RIMS2: variants seen among roughly 807,000 people sequenced by gnomAD.
The protein encoded by RIMS2 is regulating synaptic membrane exocytosis protein 2.
In RIMS2, 59 loss-of-function variants were observed where a neutral mutation model predicts 174.4. That is an observed-to-expected ratio of 0.34 (90% CI 0.27 to 0.42). The LOEUF (loss-of-function observed/expected upper bound fraction) is 0.42, where lower values mean the gene tolerates loss of function less well. Ranked by LOEUF, RIMS2 falls within the 10% of genes least tolerant of loss-of-function variation. The pLI, the probability that RIMS2 is intolerant of heterozygous loss-of-function variation, is 1.00. For synonymous variants in RIMS2, 606 were observed against 572.5 expected (o/e 1.06, Z -0.84); for missense variants, 1,620 against 1,666.3 (o/e 0.97, Z 0.48).
intron 16 of RIMS2, among the ~76,000 whole-genome samples, chr8:103,979,721 CCTT>C (rs990160872): frequency 2.6e-5 from 4 of 152,170 alleles, no homozygotes; most frequent in African/African-American, 9.7e-5. Context: ...CCAATGCCAT[CCTT>C]CTCCTAACCC....
chr8:104,209,640 T>C (rs996742400), intron 19 of RIMS2, among the ~76,000 whole-genome samples: 4 of 152,180 alleles, frequency 2.6e-5, no homozygotes, highest in Admixed American at 6.5e-5. Flanking sequence ...AATATGAGCT[T>C]TAGGGGGCAA....
At chr8:103,660,391 G>C (rs1359863129) in intron 1 of RIMS2, among the ~76,000 whole-genome samples, 1 of 152,182 alleles carries the variant, frequency 6.6e-6, no homozygotes, top group Non-Finnish European at 1.5e-5. Flanking sequence ...GCTCAGCTCT[G>C]GTACCTTCTG....
At chr8:103,852,396 G>A (rs2099003581) in intron 3 of RIMS2, among the ~76,000 whole-genome samples, 1 of 150,282 alleles carries the variant, frequency 6.7e-6, no homozygotes, top group Non-Finnish European at 1.5e-5. Flanking sequence ...ATTAAATTTT[G>A]TAGTTACAAA....
chr8:104,149,320 A>G (rs1304252318), intron 19 of RIMS2, among the ~76,000 whole-genome samples: 1 of 152,238 alleles, frequency 6.6e-6, no homozygotes, highest in African/African-American at 2.4e-5. Context: ...AGCAACATTT[A>G]CCAGTAGTTA....
intron 2 of RIMS2, among the ~76,000 whole-genome samples, chr8:103,705,264 C>G (rs544942021): frequency 2.6e-5 from 4 of 152,036 alleles, no homozygotes; most frequent in African/African-American, 9.6e-5. Context: ...TTCAACATTC[C>G]TCTTTTTACT....
intron 10 of RIMS2, among the ~76,000 whole-genome samples, chr8:103,922,306 G>A (rs903473925): frequency 1.3e-5 from 2 of 151,800 alleles, no homozygotes; most frequent in Non-Finnish European, 2.9e-5. Flanking sequence ...ATATATAATG[G>A]ATTGCTAAAT....
intron 2 of RIMS2, among the ~76,000 whole-genome samples, chr8:103,742,501 A>G (rs923356587): frequency 6.6e-6 from 1 of 152,104 alleles, no homozygotes; most frequent in Non-Finnish European, 1.5e-5. Flanking sequence ...GTTTAATACA[A>G]TTGCACTGAC....
At chr8:104,082,392 A>G (rs2097439417) in intron 19 of RIMS2, among the ~76,000 whole-genome samples, 1 of 152,176 alleles carries the variant, frequency 6.6e-6, no homozygotes, top group Admixed American at 6.6e-5. Context: ...TACACGTACA[A>G]AGGAAGAACA....
intron 19 of RIMS2, among the ~76,000 whole-genome samples, chr8:104,047,040 C>T (rs72683171): frequency 0.13 from 19,449 of 151,810 alleles, 1,701 homozygotes; most frequent in Non-Finnish European, 0.19. Flanking sequence ...GATACTTAAG[C>T]TCAATTTACT....
At position 104,137,872 on chromosome 8, in the gene RIMS2, A is replaced by G. The variant is rs140253350; in HGVS notation, c.3335-107044A>G. 4.3e-4 allele frequency among the ~76,000 whole-genome samples: 65 copies of G among 152,174 alleles called. 3 individuals carry two copies. The East Asian group carries it at 0.011, about 25-fold the overall frequency. ...ACCCTGTTGTGCTTTCAAATACTAGATATTGTTCATTCTATCTAATCATAT... is the reference window on the plus strand; with the variant it reads ...ACCCTGTTGTGCTTTCAAATACTAGGTATTGTTCATTCTATCTAATCATAT... On this transcript the variant is annotated intron_variant, in intron 19 of 23. Transcript: ENST00000504942.
rs570845071 is a variant in RIMS2, at chr8:103,801,276, A to G, written c.698+34739A>G. 3.3e-5 allele frequency among the ~76,000 whole-genome samples: 5 copies of G among 152,278 alleles called. No individual in the cohort carries two copies. The South Asian group carries it at 8.3e-4, about 25-fold the overall frequency. ...TGCTGGGATTACAGGCATGGGCCAC[A>G]GCACCCAGCCAGCAATGTCTTTAAA... On this transcript the variant is annotated intron_variant, in intron 3 of 23. Transcript: ENST00000504942.
At chr8:103,813,559 A>G (rs1467064260) in intron 3 of RIMS2, among the ~76,000 whole-genome samples, 3 of 151,664 alleles carry the variant, frequency 2.0e-5, no homozygotes, top group African/African-American at 7.3e-5. Context: ...CGCCTCTCCC[A>G]CCCCACGACA....
chr8:103,993,944 G>A (rs1283236825), intron 17 of RIMS2, among the ~76,000 whole-genome samples: 1 of 151,236 alleles, frequency 6.6e-6, no homozygotes, highest in Non-Finnish European at 1.5e-5. Flanking sequence ...CAGCTACTCA[G>A]GAGGCTGAGG....
intron 3 of RIMS2, chr8:103,768,729 A>G (rs2098211499): frequency 3.9e-6 from 3 of 766,072 alleles, no homozygotes; most frequent in South Asian, 2.7e-5. Flanking sequence ...TCTCTAAAGA[A>G]GATGATGTCC....
At chr8:103,608,767 G>A (rs370543601) in intron 1 of RIMS2, among the ~76,000 whole-genome samples, 48 of 152,254 alleles carry the variant, frequency 3.2e-4, no homozygotes, top group African/African-American at 9.6e-4. Context: ...GGTGCCGTCC[G>A]TCACCCCTTT....
intron 19 of RIMS2, among the ~76,000 whole-genome samples, chr8:104,213,443 G>T (rs1006097455): frequency 1.3e-5 from 2 of 152,120 alleles, no homozygotes; most frequent in Non-Finnish European, 2.9e-5. Flanking sequence ...GTGATTATTT[G>T]TTAACATCTG....
At chr8:104,042,888 G>A (rs1035738874) in intron 19 of RIMS2, among the ~76,000 whole-genome samples, 2 of 151,462 alleles carry the variant, frequency 1.3e-5, no homozygotes, top group Admixed American at 1.3e-4. Flanking sequence ...CATATGAAGA[G>A]TAATAAGAGA....
At chr8:103,618,465 A>G (rs1196417226) in intron 1 of RIMS2, among the ~76,000 whole-genome samples, 2 of 152,128 alleles carry the variant, frequency 1.3e-5, no homozygotes. Flanking sequence ...AAAAGACACT[A>G]GAGTAGGGAC....
At chr8:104,243,671 G>A (rs1341921048) in intron 19 of RIMS2, among the ~76,000 whole-genome samples, 1 of 152,074 alleles carries the variant, frequency 6.6e-6, no homozygotes, top group Non-Finnish European at 1.5e-5. Context: ...GGGCAACAGT[G>A]CAAGACTTTG....
Sources: gnomAD v4.1 joint callset for allele counts (sites outside exome capture counted in the v4.1 genomes callset) on GRCh38, gnomAD v4.1.1 for gene constraint, MANE v1.5 for transcripts, NCBI Gene and HGNC (gene_info 2026-07-23, HGNC 2026-07-21) for gene names.